Variants in GARNL3 observed in about 807,000 individuals in gnomAD.
The protein encoded by GARNL3 is GTPase activating Rap/RanGAP domain like 3, also known as GTPase-activating Rap/Ran-GAP domain-like protein 3.
A neutral mutation model predicts 125.0 loss-of-function variants in GARNL3; 63 were observed. That is an observed-to-expected ratio of 0.50 (90% CI 0.41 to 0.62). The LOEUF (loss-of-function observed/expected upper bound fraction) is 0.62. GARNL3 is among the 20% of genes least tolerant of loss of function. The pLI is 0.00. For synonymous variants in GARNL3, 439 were observed against 457.5 expected (o/e 0.96, Z 0.52); for missense variants, 994 against 1,244.0 (o/e 0.80, Z 3.02).
intron 2 of GARNL3, 133 bp from the exon 3 acceptor site, chr9:127,311,487 TGTCTTTTCTAATGAGA>T: frequency 1.7e-6 from 1 of 590,294 alleles, no homozygotes; most frequent in Non-Finnish European, 3.0e-6. Flanking sequence ...TTAGACTGGG[TGTCTTTTCTAATGAGA>T]ACATGCAGCC....
chr9:127,230,634 C>G (rs1395430409), intron 1 of GARNL3, among the ~76,000 whole-genome samples: 1 of 140,928 alleles, frequency 7.1e-6, no homozygotes, highest in African/African-American at 2.6e-5. Context: ...GCCTGGGCAA[C>G]AAGAGTGAAA....
chr9:127,331,933 T>C (rs1167208986), intron 7 of GARNL3, among the ~76,000 whole-genome samples: 7 of 152,024 alleles, frequency 4.6e-5, no homozygotes, highest in Non-Finnish European at 1.0e-4. Context: ...CATGGGTTGA[T>C]TGGAAGATGG....
intron 2 of GARNL3, among the ~76,000 whole-genome samples, chr9:127,296,794 A>G (rs930500733): frequency 3.9e-5 from 6 of 151,966 alleles, no homozygotes; most frequent in Non-Finnish European, 5.9e-5. Context: ...TAATTAAATC[A>G]TTGGCCATGG....
At chr9:127,315,205 T>C (rs533753759) in intron 4 of GARNL3, among the ~76,000 whole-genome samples, 5 of 152,318 alleles carry the variant, frequency 3.3e-5, no homozygotes, top group African/African-American at 9.6e-5. Flanking sequence ...AAACTGAGCA[T>C]TGGCACAAGG....
At chr9:127,349,085 A>C in intron 17 of GARNL3, 50 bp downstream of exon 17, 1 of 1,284,870 alleles carries the variant, frequency 7.8e-7, no homozygotes, top group Non-Finnish European at 1.1e-6. Flanking sequence ...AACTTGTAGT[A>C]CTTCTAAGAT....
chr9:127,263,712 C>G (rs2063641281), upstream of GARNL3: 1 of 1,172,074 alleles, frequency 8.5e-7, no homozygotes, highest in African/African-American at 1.6e-5. Context: ...TTTCAAACTG[C>G]ATGCATTGAT....
rs189118539 is a variant in GARNL3 at position 127,338,793 on chromosome 9, T to C, written c.1028+632T>C. Among the ~76,000 whole-genome samples the C allele has an allele frequency of 1.7e-3, 262 of 152,292 alleles. 9 individuals carry two copies. In the South Asian group the frequency reaches 0.048, roughly 28 times the overall value. On this transcript the variant is annotated intron_variant, in intron 12 of 27. Coordinates refer to ENST00000373387, the MANE Select transcript of GARNL3 (RefSeq NM_032293.5). ...GGACCATGAAGGATTCAGGAAGACCTGGTCTCTATCCTCAAAGCACATTGA... is the reference window on the plus strand; with the variant it reads ...GGACCATGAAGGATTCAGGAAGACCCGGTCTCTATCCTCAAAGCACATTGA...
chr9:127,263,573 G>A (rs913577995), upstream of GARNL3: 11 of 505,480 alleles, frequency 2.2e-5, no homozygotes, highest in South Asian at 8.6e-5. Context: ...GAAAATAGGC[G>A]TAGAGGACAT....
chr9:127,302,658 G>A (rs146080059), intron 2 of GARNL3, among the ~76,000 whole-genome samples: 3 of 152,284 alleles, frequency 2.0e-5, no homozygotes, highest in Admixed American at 6.5e-5. Context: ...GAATATAATA[G>A]TAATTGTTTC....
chr9:127,248,596 CTT>C (rs745331884), intron 2 of GARNL3, among the ~76,000 whole-genome samples: 24 of 74,566 alleles, frequency 3.2e-4, no homozygotes, highest in African/African-American at 1.3e-3. Context: ...TTTTTCTTTT[CTT>C]TTTTTTTTTT....
chr9:127,336,429 G>A lies in GARNL3; in HGVS notation c.982+193G>A, dbSNP rs544507018. On this transcript the variant is annotated intron_variant, in intron 11 of 27. Coordinates refer to ENST00000373387, the MANE Select transcript of GARNL3 (RefSeq NM_032293.5). ...CTCTCCTTCCATTTCAGTAGTAGAT[G>A]GATTAATTCTCAGAGAATTCTTGAC... Among the ~76,000 whole-genome samples the A allele has an allele frequency of 2.6e-5, 4 of 152,198 alleles. No individual in the cohort carries two copies. In the East Asian group the frequency reaches 7.7e-4, roughly 29 times the overall value.
At chr9:127,333,295 A>G (rs889991916) in intron 9 of GARNL3, among the ~76,000 whole-genome samples, 174 bp downstream of exon 9, 2 of 152,168 alleles carry the variant, frequency 1.3e-5, no homozygotes, top group African/African-American at 4.8e-5. Context: ...TGGCATTTCC[A>G]TTGAGCTTCG....
intron 1 of GARNL3, among the ~76,000 whole-genome samples, chr9:127,241,440 A>G (rs1266058159): frequency 6.6e-6 from 1 of 151,676 alleles, no homozygotes; most frequent in Non-Finnish European, 1.5e-5. Flanking sequence ...ACAACTGATA[A>G]CAGAACCCTG....
At chr9:127,310,797 A>T (rs1396375896) in intron 2 of GARNL3, among the ~76,000 whole-genome samples, 1 of 151,002 alleles carries the variant, frequency 6.6e-6, no homozygotes, top group Non-Finnish European at 1.5e-5. Context: ...AAAAAAATAC[A>T]TTTTGCCATT....
intron 25 of GARNL3, chr9:127,388,655 A>T: frequency 1.9e-6 from 1 of 518,442 alleles, no homozygotes; most frequent in Non-Finnish European, 3.5e-6. Context: ...TTTCTTGTCT[A>T]GTCTTTTTTC....
At chr9:127,344,973 T>C (rs1187351409) in intron 15 of GARNL3, among the ~76,000 whole-genome samples, 1 of 152,028 alleles carries the variant, frequency 6.6e-6, no homozygotes, top group Non-Finnish European at 1.5e-5. Flanking sequence ...GGCCCAGAAG[T>C]AGAAAGCTAG....
chr9:127,341,209 A>G (rs1829843260), intron 13 of GARNL3, among the ~76,000 whole-genome samples: 1 of 152,232 alleles, frequency 6.6e-6, no homozygotes, highest in African/African-American at 2.4e-5. Flanking sequence ...TGTGCAACAG[A>G]TGATGATTTT....
intron 4 of GARNL3, among the ~76,000 whole-genome samples, chr9:127,314,537 TCCCTCCCCCTCCTTCA>T (rs1274131144): frequency 6.8e-6 from 1 of 146,466 alleles, no homozygotes; most frequent in Non-Finnish European, 1.5e-5. Flanking sequence ...CCTTCCTCCC[TCCCTCCCCCTCCTTCA>T]CCCTCCCCCT....
intron 1 of GARNL3, among the ~76,000 whole-genome samples, chr9:127,275,999 T>C (rs2063945873): frequency 6.6e-6 from 1 of 152,230 alleles, no homozygotes; most frequent in Non-Finnish European, 1.5e-5. Flanking sequence ...CTCCTTGTAA[T>C]GGTTCCACAG....
Sources: gnomAD v4.1 joint callset for allele counts (sites outside exome capture counted in the v4.1 genomes callset) on GRCh38, gnomAD v4.1.1 for gene constraint, MANE v1.5 for transcripts, NCBI Gene and HGNC (gene_info 2026-07-23, HGNC 2026-07-21) for gene names.